The following AGBL1 variants were observed in gnomAD, a reference collection of about 807,000 sequenced individuals.
AGBL1 encodes the protein cytosolic carboxypeptidase 4.
In AGBL1, 130 loss-of-function variants were observed where a neutral mutation model predicts 118.9. The observed-to-expected ratio is 1.09, with a 90% CI of 0.95 to 1.26. AGBL1 has a LOEUF of 1.26. Among genes scored for constraint, AGBL1 ranks in the 50% most tolerant of loss-of-function variants. The pLI, the probability that AGBL1 is intolerant of heterozygous loss-of-function variation, is 0.00. For synonymous variants in AGBL1, 555 were observed against 478.9 expected, an observed-to-expected ratio of 1.16 and a Z score of -2.08; for missense variants, 1,584 against 1,298.1, an observed-to-expected ratio of 1.22 and a Z score of -3.38.
chr15:86,364,933 G>C (rs558688679), intron 17 of AGBL1, among the ~76,000 whole-genome samples: 1 of 134,196 alleles, frequency 7.5e-6, no homozygotes, highest in African/African-American at 2.8e-5. Context: ...CAGCCTGCAG[G>C]AGCCGCATTG....
intron 22 of AGBL1, among the ~76,000 whole-genome samples, chr15:86,887,831 A>C (rs2079992476): frequency 6.6e-6 from 1 of 152,156 alleles, no homozygotes; most frequent in Non-Finnish European, 1.5e-5. Context: ...AAAAAGAAAG[A>C]AAGAAAGAAA....
chr15:86,923,372 G>T (rs1202943088), intron 23 of AGBL1, among the ~76,000 whole-genome samples: 1 of 152,192 alleles, frequency 6.6e-6, no homozygotes, highest in South Asian at 2.1e-4. Context: ...CCCAGGACCA[G>T]CTTTTCAGGC....
intron 22 of AGBL1, among the ~76,000 whole-genome samples, chr15:86,852,796 T>C (rs541099917): frequency 1.2e-4 from 18 of 152,260 alleles, no homozygotes; most frequent in African/African-American, 4.1e-4. Context: ...ATCTCCTACC[T>C]AGAAGGCATC....
At chr15:86,869,430 T>G (rs16978053) in intron 22 of AGBL1, among the ~76,000 whole-genome samples, 3,185 of 152,252 alleles carry the variant, frequency 0.021, 121 homozygotes, top group East Asian at 0.19. Context: ...GGGCTTTGGT[T>G]TCCTTCCTTA....
At chr15:86,699,189 G>T (rs751364517) in intron 22 of AGBL1, among the ~76,000 whole-genome samples, 4 of 151,722 alleles carry the variant, frequency 2.6e-5, no homozygotes, top group Non-Finnish European at 5.9e-5. Context: ...TCTTCATTGA[G>T]ATTTGTCAAA....
chr15:86,417,749 T>A (rs1392321880), intron 18 of AGBL1, among the ~76,000 whole-genome samples: 1 of 152,178 alleles, frequency 6.6e-6, no homozygotes, highest in Non-Finnish European at 1.5e-5. Flanking sequence ...CATGCTGGTC[T>A]ACATGAGAGA....
At chr15:86,552,013 T>A (rs1486853582) in intron 20 of AGBL1, among the ~76,000 whole-genome samples, 1 of 152,156 alleles carries the variant, frequency 6.6e-6, no homozygotes, top group Non-Finnish European at 1.5e-5. Flanking sequence ...ACACAGGGGA[T>A]TCTTAGGGCA....
chr15:86,705,798 C>G (rs2086439551), intron 22 of AGBL1, among the ~76,000 whole-genome samples: 1 of 152,086 alleles, frequency 6.6e-6, no homozygotes, highest in Non-Finnish European at 1.5e-5. Flanking sequence ...ATCAAGGTGT[C>G]TCTAGTGCTT....
At chr15:86,155,405 G>A (rs533466881) in intron 4 of AGBL1, among the ~76,000 whole-genome samples, 1 of 152,152 alleles carries the variant, frequency 6.6e-6, no homozygotes, top group Non-Finnish European at 1.5e-5. Flanking sequence ...AGCATTGATT[G>A]TGACCCTGCA....
intron 21 of AGBL1, among the ~76,000 whole-genome samples, chr15:86,612,239 TAGA>T (rs2084667387): frequency 6.6e-6 from 1 of 152,048 alleles, no homozygotes; most frequent in Admixed American, 6.6e-5. Flanking sequence ...AATATGCAAA[TAGA>T]AGCCCCTGAA....
chr15:86,612,026 C>A (rs1281575925), intron 21 of AGBL1, among the ~76,000 whole-genome samples: 1 of 152,078 alleles, frequency 6.6e-6, no homozygotes, highest in East Asian at 1.9e-4. Context: ...AACAAATAAA[C>A]CCCAAATTTC....
At chr15:86,158,515 T>C (rs1168030021) in intron 4 of AGBL1, among the ~76,000 whole-genome samples, 7 of 152,186 alleles carry the variant, frequency 4.6e-5, no homozygotes, top group Non-Finnish European at 8.8e-5. Context: ...TGGAATAGGG[T>C]ACTGGGAATG....
At chr15:86,716,326 A>T (rs1158391544) in intron 22 of AGBL1, among the ~76,000 whole-genome samples, 1 of 152,050 alleles carries the variant, frequency 6.6e-6, no homozygotes, top group Non-Finnish European at 1.5e-5. Flanking sequence ...GCATGGGGGA[A>T]ATCTGAAAGG....
At chr15:86,474,217 G>A (rs554224574) in intron 18 of AGBL1, among the ~76,000 whole-genome samples, 4 of 152,234 alleles carry the variant, frequency 2.6e-5, no homozygotes, top group African/African-American at 7.2e-5. Flanking sequence ...GGGGCTTGTC[G>A]GACGGTGGGT....
At chr15:86,114,121 A>G (rs959245246) in intron 1 of AGBL1, among the ~76,000 whole-genome samples, 1 of 152,264 alleles carries the variant, frequency 6.6e-6, no homozygotes, top group Admixed American at 6.5e-5. Flanking sequence ...CTTGTCTGAA[A>G]TGGAAATCCA....
At chr15:86,286,735 G>GTGTGTGTGTGTATATATA in intron 16 of AGBL1, among the ~76,000 whole-genome samples, 1 of 106,252 alleles carries the variant, frequency 9.4e-6, no homozygotes, top group African/African-American at 3.9e-5. Context: ...GTTTGTGTGT[G>GTGTGTGTGTGTATATATA]TATATATATA....
intron 23 of AGBL1, among the ~76,000 whole-genome samples, chr15:86,979,266 C>G (rs2081205092): frequency 6.6e-6 from 1 of 152,144 alleles, no homozygotes; most frequent in South Asian, 2.1e-4. Flanking sequence ...TTGGGAAATG[C>G]AGTGCAATAT....
At chr15:86,981,022 G>T (rs917832908) in intron 23 of AGBL1, among the ~76,000 whole-genome samples, 1 of 151,396 alleles carries the variant, frequency 6.6e-6, no homozygotes. Flanking sequence ...GAGTAGCTGC[G>T]ACTACAGGCG....
intron 22 of AGBL1, among the ~76,000 whole-genome samples, chr15:86,868,892 T>A (rs1230721292): frequency 6.6e-6 from 1 of 152,192 alleles, no homozygotes; most frequent in African/African-American, 2.4e-5. Context: ...ACAACGGGTA[T>A]GAATTAAACT....
Sources: allele counts gnomAD v4.1 joint callset (sites outside exome capture counted in the v4.1 genomes callset), GRCh38; gene constraint gnomAD v4.1.1; transcripts MANE v1.5; gene names NCBI Gene and HGNC (gene_info 2026-07-23, HGNC 2026-07-21).